KIRREL3: variants seen among roughly 807,000 people sequenced by gnomAD.
KIRREL3 encodes the protein kirre like nephrin family adhesion molecule 3, also known as kin of IRRE-like protein 3.
A neutral mutation model predicts 89.7 loss-of-function variants in KIRREL3; 36 were observed. The ratio of observed to expected loss-of-function variants is 0.40; its 90% confidence interval spans 0.31 to 0.53. KIRREL3 has a LOEUF of 0.53. KIRREL3 is among the 20% of genes least tolerant of loss of function. The probability of loss-of-function intolerance (pLI) is 0.49; values close to 1 mark genes in which losing one functional copy is unlikely to be tolerated. For synonymous variants in KIRREL3, 445 were observed against 441.4 expected (o/e 1.01, Z -0.10); for missense variants, 864 against 1,056.6 (o/e 0.82, Z 2.53).
chr11:126,915,500 C>T (rs896615093), intron 1 of KIRREL3, among the ~76,000 whole-genome samples: 39 of 152,154 alleles, frequency 2.6e-4, no homozygotes, highest in Non-Finnish European at 2.4e-4. Context: ...ACAGGAGAGA[C>T]GTGGTCAACT....
rs144615827 is a variant in KIRREL3 at position 126,571,230 on chromosome 11, T to A, written c.56-8318A>T. On this transcript the variant is annotated intron_variant, in intron 1 of 16. Coordinates refer to ENST00000525144, the MANE Select transcript of KIRREL3 (RefSeq NM_032531.4). This position sits in a 1 kb window ranked among gnomAD's most constrained non-coding sequence, Gnocchi z 7.7. ...TCTTTCTCTCCTTGGAGGGCTGGGT[T>A]CCTCCCCTACCCTCAGACACTGCCT... Among the ~76,000 whole-genome samples, 78 of 152,310 alleles carry A rather than the reference T, an allele frequency of 5.1e-4. No homozygotes were observed. In the East Asian group the frequency reaches 0.015, roughly 29 times the overall value.
At position 126,490,824 on chromosome 11, in the gene KIRREL3, C is replaced by T. The variant is rs779419517; in HGVS notation, c.434-17358G>A. 2.6e-5 allele frequency among the ~76,000 whole-genome samples: 4 copies of T among 152,242 alleles called. No individual in the cohort carries two copies. The highest frequency in any genetic ancestry group is 2.1e-4 in the South Asian group (1 of 4,824). On this transcript the variant is annotated intron_variant, in intron 4 of 16. Transcript: ENST00000525144. The surrounding 1 kb of genome is among the most constrained non-coding windows in gnomAD (Gnocchi z 4.2). The stretch of plus-strand genomic sequence containing the variant: ...TGGGACTCCAAGGGCCGAGCAGAGC[C>T]GGCAGTAGCATTTGGAGTCAAATAG...
At chr11:126,921,394 T>TCTATCTACCTAC (rs1555088674) in intron 1 of KIRREL3, among the ~76,000 whole-genome samples, 1 of 33,018 alleles carries the variant, frequency 3.0e-5, no homozygotes, top group Admixed American at 3.0e-4. Flanking sequence ...CTGTCTTGTA[T>TCTATCTACCTAC]CTATCTATCT....
chr11:126,972,836 A>G (rs2135219783), intron 1 of KIRREL3, among the ~76,000 whole-genome samples: 1 of 152,222 alleles, frequency 6.6e-6, no homozygotes, highest in East Asian at 1.9e-4. Context: ...CTAGCTAAAA[A>G]CAACTGCAGA....
At chr11:126,757,273 G>T (rs764485906) in intron 1 of KIRREL3, among the ~76,000 whole-genome samples, 75 of 151,442 alleles carry the variant, frequency 5.0e-4, no homozygotes, top group Non-Finnish European at 9.0e-4. Context: ...GCTTTGAGAT[G>T]ATTACAAAGG....
chr11:126,438,103 C>A (rs1055079175), intron 11 of KIRREL3, among the ~76,000 whole-genome samples: 1 of 152,246 alleles, frequency 6.6e-6, no homozygotes, highest in Non-Finnish European at 1.5e-5. Flanking sequence ...AAAGTGGGTG[C>A]CCTGTTGGCC....
Position 126,558,511 on chromosome 11 carries a change from T to C in KIRREL3, c.133+4324A>G, listed in dbSNP as rs1421058809. Among the ~76,000 whole-genome samples, 1 of 148,078 alleles carries C rather than the reference T, an allele frequency of 6.8e-6. No homozygotes were observed. The highest frequency in any genetic ancestry group is 1.5e-5 in the Non-Finnish European group (1 of 67,980). On this transcript the variant is annotated intron_variant, in intron 2 of 16. Transcript: ENST00000525144. This position sits in a 1 kb window ranked among gnomAD's most constrained non-coding sequence, Gnocchi z 4.0. ...CCTGGGTGTCTGGAGCCCTGGGCTG[T>C]GGTCCTGGCTCTTCCAGCCACTTCA...
Position 126,846,498 on chromosome 11 carries a change from C to T in KIRREL3, c.55+153957G>A, listed in dbSNP as rs140505587. Among the ~76,000 whole-genome samples the T allele has an allele frequency of 1.1e-4, 16 of 152,254 alleles. No individual in the cohort carries two copies. The East Asian group carries it at 2.1e-3, about 20-fold the overall frequency. ...TCAGTAATCTTTGGGAAATAAAAAT[C>T]ACTTTAAAGATTGTTGGTAAAATAA... On this transcript the variant is annotated intron_variant, in intron 1 of 16. Coordinates refer to ENST00000525144, the MANE Select transcript of KIRREL3 (RefSeq NM_032531.4).
At position 126,514,869 on chromosome 11, in the gene KIRREL3, AAACAC is replaced by A. The variant is rs1310431458; in HGVS notation, c.433+6441_433+6445del. On this transcript the variant is annotated intron_variant, in intron 4 of 16. Coordinates refer to ENST00000525144, the MANE Select transcript of KIRREL3 (RefSeq NM_032531.4). Reference sequence around the variant, plus strand: ...CAACACAACACAACACAACACAACAAAACACAATTGTCATCCGTGTTTGGGGCTTA... The same window carrying A: ...CAACACAACACAACACAACACAACAAAATTGTCATCCGTGTTTGGGGCTTA... 2.6e-3 allele frequency among the ~76,000 whole-genome samples: 198 copies of A among 76,650 alleles called. 2 individuals are homozygous for A. The highest frequency in any genetic ancestry group is 0.012 in the Middle Eastern group (2 of 168). 50.3% of individuals were successfully genotyped at this position (76,650 alleles called of 152,430 possible).
Position 126,428,268 on chromosome 11 carries a change from C to T in KIRREL3, c.1806+911G>A, listed in dbSNP as rs953654403. Among the ~76,000 whole-genome samples, 4 of 152,340 alleles carry T rather than the reference C, an allele frequency of 2.6e-5. No individual in the cohort carries two copies. The East Asian group carries it at 7.7e-4, about 29-fold the overall frequency. On this transcript the variant is annotated intron_variant, in intron 15 of 16. Coordinates refer to ENST00000525144, the MANE Select transcript of KIRREL3 (RefSeq NM_032531.4). This position sits in a 1 kb window ranked among gnomAD's most constrained non-coding sequence, Gnocchi z 6.4. ...ATCTACTATATTCCTTGCTCTGCTG[C>T]CTCCACTCCAACATGTTACGACCGA...
rs756887090 is a variant in KIRREL3, at chr11:126,594,862, C to T, written c.56-31950G>A. On this transcript the variant is annotated intron_variant, in intron 1 of 16. Coordinates refer to ENST00000525144, the MANE Select transcript of KIRREL3 (RefSeq NM_032531.4). The surrounding 1 kb of genome is among the most constrained non-coding windows in gnomAD (Gnocchi z 5.0). ...GCTCGATCTTTTCTGTTAGCATTTC[C>T]GCCACGTGCTTCTCAGCGTTTTGCC... Among the ~76,000 whole-genome samples, 11 of 152,238 alleles carry T rather than the reference C, an allele frequency of 7.2e-5. No individual in the cohort carries two copies. The highest frequency in any genetic ancestry group is 1.0e-4 in the Non-Finnish European group (7 of 68,050).
At chr11:126,804,458 TCTC>T (rs1170451110) in intron 1 of KIRREL3, among the ~76,000 whole-genome samples, 1 of 152,266 alleles carries the variant, frequency 6.6e-6, no homozygotes, top group Middle Eastern at 3.4e-3. Context: ...CTATGGTAAA[TCTC>T]CTCTTGTTTG....
rs1369529116 is a variant in KIRREL3 at position 126,685,188 on chromosome 11, A to G, written c.56-122276T>C. ...ACAAGGATTGAGAGGTGTGCTCAAG[A>G]TGTGCTGAGAGCAGAGGATAGCCCC... is the stretch of plus-strand genomic sequence containing the variant. On this transcript the variant is annotated intron_variant, in intron 1 of 16. Transcript: ENST00000525144. This position sits in a 1 kb window ranked among gnomAD's most constrained non-coding sequence, Gnocchi z 5.5. Among the ~76,000 whole-genome samples the G allele has an allele frequency of 2.0e-5, 3 of 152,286 alleles. No individual in the cohort carries two copies. The East Asian group carries it at 5.8e-4, about 29-fold the overall frequency.
At chr11:126,731,707 G>A (rs988888971) in intron 1 of KIRREL3, among the ~76,000 whole-genome samples, 1 of 152,194 alleles carries the variant, frequency 6.6e-6, no homozygotes, top group African/African-American at 2.4e-5. Flanking sequence ...CTCTAAGTAG[G>A]TCAGTTTTAG....
At position 126,778,026 on chromosome 11, in the gene KIRREL3, G is replaced by T. The variant is rs1407748207; in HGVS notation, c.56-215114C>A. Among the ~76,000 whole-genome samples, 2 of 135,560 alleles carry T rather than the reference G, an allele frequency of 1.5e-5. No individual in the cohort carries two copies. Among genetic ancestry groups the T allele is most frequent in the East Asian group, 2.2e-4 (1 of 4,610 alleles). The allele number at this position is 135,560 out of a possible 152,430, so 88.9% of individuals were successfully genotyped here. A position where few individuals can be genotyped will look rare whatever the true frequency, so the allele number is the denominator to read the frequency against. On this transcript the variant is annotated intron_variant, in intron 1 of 16. Transcript: ENST00000525144. The surrounding 1 kb of genome is among the most constrained non-coding windows in gnomAD (Gnocchi z 4.5). ...CCTACTCTCTTTTCCTGGTATATGA[G>T]AAATACATGCTCATTGTAGAAAAAA...
chr11:126,750,258 C>T lies in KIRREL3; in HGVS notation c.56-187346G>A, dbSNP rs1348912295. On this transcript the variant is annotated intron_variant, in intron 1 of 16. Coordinates refer to ENST00000525144, the MANE Select transcript of KIRREL3 (RefSeq NM_032531.4). The surrounding 1 kb of genome is among the most constrained non-coding windows in gnomAD (Gnocchi z 4.2). ...TTTATTTCTCAGTTCGGGACTTCTA[C>T]TATGGTACTTCCTTCTCCGTAGCCA... Among the ~76,000 whole-genome samples, 1 of 152,204 alleles carries T rather than the reference C, an allele frequency of 6.6e-6. No homozygotes were observed. The highest frequency in any genetic ancestry group is 2.4e-5 in the African/African-American group (1 of 41,454).
At position 126,606,297 on chromosome 11, in the gene KIRREL3, C is replaced by T. The variant is rs115826254; in HGVS notation, c.56-43385G>A. ...GGATCTGGAGTGTGGGTTTGGATTT[C>T]GGGTGTATCACTTACTAGCTGTGTC... is the stretch of plus-strand genomic sequence containing the variant. On this transcript the variant is annotated intron_variant, in intron 1 of 16. Transcript: ENST00000525144. The surrounding 1 kb of genome is among the most constrained non-coding windows in gnomAD (Gnocchi z 4.6). 0.015 allele frequency among the ~76,000 whole-genome samples: 2,312 copies of T among 152,128 alleles called. 57 individuals are homozygous for T. The highest frequency in any genetic ancestry group is 0.049 in the African/African-American group (2,036 of 41,480).
rs1364076495 is a variant in KIRREL3, at chr11:126,563,584, G to C, written c.56-672C>G. 6.6e-6 allele frequency among the ~76,000 whole-genome samples: 1 copy of C among 152,192 alleles called. No homozygotes were observed. Among genetic ancestry groups the C allele is most frequent in the East Asian group, 1.9e-4 (1 of 5,204 alleles). On this transcript the variant is annotated intron_variant, in intron 1 of 16. Coordinates refer to ENST00000525144, the MANE Select transcript of KIRREL3 (RefSeq NM_032531.4). The surrounding 1 kb of genome is among the most constrained non-coding windows in gnomAD (Gnocchi z 6.8). ...CAAGCACTTATGAAATGTAGACTTA[G>C]AGCACAGGGGTCGAGATAGCTGAGA...
Position 126,704,334 on chromosome 11 carries a change from T to G in KIRREL3, c.56-141422A>C, listed in dbSNP as rs1230630239. Among the ~76,000 whole-genome samples the G allele has an allele frequency of 6.6e-6, 1 of 152,034 alleles. No individual in the cohort carries two copies. Among genetic ancestry groups the G allele is most frequent in the African/African-American group, 2.4e-5 (1 of 41,374 alleles). On this transcript the variant is annotated intron_variant, in intron 1 of 16. Transcript: ENST00000525144. This position sits in a 1 kb window ranked among gnomAD's most constrained non-coding sequence, Gnocchi z 4.2. The stretch of plus-strand genomic sequence containing the variant: ...AACAACAGCTGGTAGGAAGCATGTT[T>G]GTCGGGGTGTGGGGAGTGCAGGAGA...
Sources: gnomAD v4.1 joint callset for allele counts (sites outside exome capture counted in the v4.1 genomes callset) on GRCh38, gnomAD v4.1.1 for gene constraint, Gnocchi (gnomAD v3.1) non-coding constraint, MANE v1.5 for transcripts, NCBI Gene and HGNC (gene_info 2026-07-23, HGNC 2026-07-21) for gene names.